CTNNA2: variants seen among roughly 807,000 people sequenced by gnomAD.
CTNNA2 encodes catenin alpha-2.
A neutral mutation model predicts 101.0 loss-of-function variants in CTNNA2; 42 were observed. The ratio of observed to expected loss-of-function variants is 0.42; its 90% CI spans 0.32 to 0.54. CTNNA2 has a LOEUF of 0.54. Among genes scored for constraint, CTNNA2 ranks in the 20% least tolerant of loss-of-function variants. The probability of loss-of-function intolerance (pLI) is 0.14; values close to 1 mark genes in which losing one functional copy is unlikely to be tolerated. For synonymous variants in CTNNA2, 450 were observed against 456.4 expected (o/e 0.99, Z 0.18); for missense variants, 871 against 1,223.1 (o/e 0.71, Z 4.29).
intron 7 of CTNNA2, among the ~76,000 whole-genome samples, chr2:80,079,240 A>T (rs766368358): frequency 1.2e-4 from 18 of 152,166 alleles, no homozygotes; most frequent in Non-Finnish European, 1.8e-4. Context: ...CTCACCTGAC[A>T]TATAATATTA....
At chr2:79,786,489 A>AT (rs544545517) in intron 3 of CTNNA2, among the ~76,000 whole-genome samples, 84 of 151,190 alleles carry the variant, frequency 5.6e-4, no homozygotes, top group African/African-American at 1.4e-3. Context: ...AAGTAAAGAT[A>AT]TTTTTTTTTC....
intron 7 of CTNNA2, among the ~76,000 whole-genome samples, chr2:80,220,650 AC>A (rs755282847): frequency 3.9e-5 from 6 of 152,200 alleles, no homozygotes; most frequent in African/African-American, 7.2e-5. Flanking sequence ...GGATAGTCAC[AC>A]TTTGCAGTGA....
At chr2:79,349,616 C>A (rs1258808427) in intron 3 of CTNNA2, among the ~76,000 whole-genome samples, 3 of 152,026 alleles carry the variant, frequency 2.0e-5, no homozygotes, top group African/African-American at 7.2e-5. Context: ...AGATATATTA[C>A]AATGTAGTTA....
At chr2:80,038,138 A>G (rs933858157) in intron 7 of CTNNA2, among the ~76,000 whole-genome samples, 1 of 152,148 alleles carries the variant, frequency 6.6e-6, no homozygotes, top group Non-Finnish European at 1.5e-5. Flanking sequence ...ACGATCTGGC[A>G]TGGAGGAGAT....
intron 7 of CTNNA2, among the ~76,000 whole-genome samples, chr2:80,229,820 T>C (rs1440473584): frequency 6.6e-6 from 1 of 152,166 alleles, no homozygotes; most frequent in Non-Finnish European, 1.5e-5. Context: ...AAGGGACTTA[T>C]TATAAACAGC....
intron 7 of CTNNA2, among the ~76,000 whole-genome samples, chr2:79,964,420 A>AG (rs1292729618): frequency 6.6e-6 from 1 of 152,140 alleles, no homozygotes. Context: ...GAAAAAAAAA[A>AG]GCCAAGCTGT....
intron 7 of CTNNA2, among the ~76,000 whole-genome samples, chr2:79,987,687 T>C (rs1454779102): frequency 6.6e-6 from 1 of 152,180 alleles, no homozygotes; most frequent in Non-Finnish European, 1.5e-5. Context: ...GTAGAGTTGT[T>C]ATGTGGCACT....
chr2:79,331,456 C>G (rs1676870774), intron 3 of CTNNA2, among the ~76,000 whole-genome samples: 1 of 152,188 alleles, frequency 6.6e-6, no homozygotes, highest in African/African-American at 2.4e-5. Context: ...TACTTTAAGT[C>G]TAACTTTGAA....
At chr2:80,637,652 T>G (rs1017690242) in intron 18 of CTNNA2, among the ~76,000 whole-genome samples, 11 of 152,188 alleles carry the variant, frequency 7.2e-5, no homozygotes, top group African/African-American at 2.7e-4. Context: ...TCCATACACC[T>G]GATGAGGAGA....
chr2:79,281,679 T>A (rs1263430641), intron 2 of CTNNA2: 1 of 152,210 alleles, frequency 6.6e-6, no homozygotes, highest in African/African-American at 2.4e-5. Flanking sequence ...GTTTCAGTAT[T>A]TGACAAGTGA....
At chr2:80,448,737 A>G (rs543488340) in intron 9 of CTNNA2, among the ~76,000 whole-genome samples, 1 of 152,266 alleles carries the variant, frequency 6.6e-6, no homozygotes, top group South Asian at 2.1e-4. Context: ...TTAGTAGGCA[A>G]GGAGCTGATA....
At chr2:80,619,257 TC>T in intron 18 of CTNNA2, 29 bp downstream of exon 18, 1 of 1,484,018 alleles carries the variant, frequency 6.7e-7, no homozygotes, top group Non-Finnish European at 9.0e-7. Context: ...TAATCTAATG[TC>T]TTTCATTGTA....
At chr2:79,463,742 G>A (rs954639949) in intron 4 of CTNNA2, among the ~76,000 whole-genome samples, 1 of 152,150 alleles carries the variant, frequency 6.6e-6, no homozygotes, top group Admixed American at 6.5e-5. Flanking sequence ...CTGAGATCTC[G>A]AGAGTGGAAG....
chr2:79,453,884 C>G (rs1670782805), intron 4 of CTNNA2, among the ~76,000 whole-genome samples: 1 of 152,084 alleles, frequency 6.6e-6, no homozygotes, highest in Non-Finnish European at 1.5e-5. Context: ...TAGATATGAT[C>G]CCTACATCAC....
intron 2 of CTNNA2, among the ~76,000 whole-genome samples, chr2:79,291,217 T>A (rs1428540851): frequency 6.6e-6 from 1 of 152,210 alleles, no homozygotes; most frequent in African/African-American, 2.4e-5. Flanking sequence ...GAAAATTAAA[T>A]CTTAAGGTAA....
At chr2:80,106,499 C>T (rs1437570659) in intron 7 of CTNNA2, among the ~76,000 whole-genome samples, 1 of 152,140 alleles carries the variant, frequency 6.6e-6, no homozygotes, top group Non-Finnish European at 1.5e-5. Flanking sequence ...GGATGGTTAA[C>T]TCTGCCAAGT....
At position 80,432,004 on chromosome 2, in the gene CTNNA2, T is replaced by C. The variant is rs969942426; in HGVS notation, c.1290+12403T>C. Reference sequence around the variant, plus strand: ...CCAGGGTTGGCAGGTGGTGTGGCATTCTTTTTATTTTTTAGTTTTAATAAT... The same window carrying C: ...CCAGGGTTGGCAGGTGGTGTGGCATCCTTTTTATTTTTTAGTTTTAATAAT... On this transcript the variant is annotated intron_variant, in intron 9 of 18. Coordinates refer to ENST00000402739, the MANE Select transcript of CTNNA2 (RefSeq NM_001282597.3). Among the ~76,000 whole-genome samples, 7 of 152,176 alleles carry C rather than the reference T, an allele frequency of 4.6e-5. No individual in the cohort carries two copies. The South Asian group carries it at 1.0e-3, about 22-fold the overall frequency.
chr2:79,240,088 A>G (rs1156629367), intron 2 of CTNNA2, among the ~76,000 whole-genome samples: 1 of 151,672 alleles, frequency 6.6e-6, no homozygotes, highest in African/African-American at 2.4e-5. Flanking sequence ...TTGTATTTTT[A>G]GTAGAGACGG....
Position 79,777,823 on chromosome 2 carries a change from A to T in CTNNA2, c.298+33241A>T, listed in dbSNP as rs190936791. On this transcript the variant is annotated intron_variant, in intron 3 of 18. Coordinates refer to ENST00000402739, the MANE Select transcript of CTNNA2 (RefSeq NM_001282597.3). ...GTGGCAAGATAACCAGGACAGGGTG[A>T]ATAGATATTTGTAAAGAGGAAATGT... 1.2e-4 allele frequency among the ~76,000 whole-genome samples: 18 copies of T among 152,222 alleles called. No individual in the cohort carries two copies. The East Asian group carries it at 3.5e-3, about 29-fold the overall frequency.
Sources: gnomAD v4.1 joint callset for allele counts (sites outside exome capture counted in the v4.1 genomes callset) on GRCh38, gnomAD v4.1.1 for gene constraint, MANE v1.5 for transcripts, NCBI Gene and HGNC (gene_info 2026-07-23, HGNC 2026-07-21) for gene names.